ROBO1: variants seen among roughly 807,000 people sequenced by gnomAD.
ROBO1 encodes roundabout guidance receptor 1.
A neutral mutation model predicts 195.9 loss-of-function variants in ROBO1; 149 were observed. That is an observed-to-expected ratio of 0.76 (90% confidence interval 0.67 to 0.87). The LOEUF is 0.87. ROBO1 is among the 40% of genes least tolerant of loss of function. ROBO1 has a pLI of 0.00. For missense variants in ROBO1, 1,933 were observed against 2,068.3 expected, an observed-to-expected ratio of 0.93 and a Z score of 1.27; for synonymous variants, 816 against 733.2, an observed-to-expected ratio of 1.11 and a Z score of -1.82.
chr3:79,122,958 G>T (rs2080147964), intron 3 of ROBO1, among the ~76,000 whole-genome samples: 1 of 151,944 alleles, frequency 6.6e-6, no homozygotes, highest in South Asian at 2.1e-4. Context: ...AACATCTGAT[G>T]TATAAAATCT....
intron 4 of ROBO1, among the ~76,000 whole-genome samples, chr3:78,916,668 T>C (rs904747457): frequency 2.0e-5 from 3 of 152,160 alleles, no homozygotes; most frequent in African/African-American, 7.2e-5. Flanking sequence ...CTGGAAGCTT[T>C]CTGCAAAATT....
chr3:79,589,982 T>G, intron 1 of ROBO1, 21 bp from the exon 2 acceptor site: 1 of 1,092,706 alleles, frequency 9.2e-7, no homozygotes, highest in Non-Finnish European at 1.4e-6. Flanking sequence ...TAAAAAAATA[T>G]TATTTTGTAA....
intron 2 of ROBO1, among the ~76,000 whole-genome samples, chr3:79,180,282 T>C (rs2081318903): frequency 6.6e-6 from 1 of 152,246 alleles, no homozygotes; most frequent in Non-Finnish European, 1.5e-5. Context: ...AAAATTAATT[T>C]ATATTTCCTG....
At chr3:78,792,679 A>G (rs1196467570) in intron 4 of ROBO1, among the ~76,000 whole-genome samples, 1 of 152,244 alleles carries the variant, frequency 6.6e-6, no homozygotes, top group African/African-American at 2.4e-5. Context: ...ATCAATTAAA[A>G]CAAATTTAAA....
At chr3:79,169,191 C>T (rs1576764925) in intron 2 of ROBO1, among the ~76,000 whole-genome samples, 1 of 152,072 alleles carries the variant, frequency 6.6e-6, no homozygotes, top group Non-Finnish European at 1.5e-5. Context: ...TATTAGTGCA[C>T]ATTTGGATTC....
At chr3:79,354,340 A>T (rs1381704200) in intron 2 of ROBO1, among the ~76,000 whole-genome samples, 1 of 152,196 alleles carries the variant, frequency 6.6e-6, no homozygotes, top group Non-Finnish European at 1.5e-5. Context: ...TTTCATCAGA[A>T]TGCCTTTGCT....
At chr3:78,952,389 T>C (rs563159820) in intron 3 of ROBO1, among the ~76,000 whole-genome samples, 1 of 150,434 alleles carries the variant, frequency 6.6e-6, no homozygotes, top group Non-Finnish European at 1.5e-5. Flanking sequence ...TATATATTTA[T>C]ATATAGGTTC....
chr3:79,489,109 C>CATATAT (rs140391978), intron 2 of ROBO1, among the ~76,000 whole-genome samples: 5 of 148,076 alleles, frequency 3.4e-5, no homozygotes, highest in African/African-American at 1.2e-4. Context: ...TATATAAGTA[C>CATATAT]ATATATATAT....
intron 2 of ROBO1, among the ~76,000 whole-genome samples, chr3:79,563,104 A>C (rs1409404206): frequency 6.6e-6 from 1 of 152,090 alleles, no homozygotes; most frequent in Non-Finnish European, 1.5e-5. Flanking sequence ...TAAAGTGTCA[A>C]AGCATAATCA....
At chr3:78,907,865 T>A (rs1392121498) in intron 4 of ROBO1, among the ~76,000 whole-genome samples, 1 of 151,860 alleles carries the variant, frequency 6.6e-6, no homozygotes, top group Non-Finnish European at 1.5e-5. Context: ...AATCTTAATA[T>A]GAAGAAAAAT....
intron 3 of ROBO1, among the ~76,000 whole-genome samples, chr3:78,952,293 T>A (rs890909221): frequency 1.3e-5 from 2 of 150,806 alleles, no homozygotes; most frequent in African/African-American, 4.8e-5. Flanking sequence ...ACACCATAAA[T>A]ATTAATAGAC....
At chr3:78,810,072 G>A (rs2084687043) in intron 4 of ROBO1, among the ~76,000 whole-genome samples, 1 of 152,088 alleles carries the variant, frequency 6.6e-6, no homozygotes, top group Admixed American at 6.6e-5. Flanking sequence ...AGGTTGGAGT[G>A]AGATGCAAGA....
Position 79,460,302 on chromosome 3 carries a change from G to A in ROBO1, c.88+129522C>T, listed in dbSNP as rs189882784. ...ACACTGATTGTAAATATCCAAATGT[G>A]TTTTAAATTTACCATGTAACATGTG... is the stretch of plus-strand genomic sequence containing the variant. On this transcript the variant is annotated intron_variant, in intron 2 of 30. Transcript: ENST00000464233. 4.6e-3 allele frequency among the ~76,000 whole-genome samples: 700 copies of A among 152,226 alleles called. 13 individuals are homozygous for A. Among genetic ancestry groups the A allele is most frequent in the Non-Finnish European group, 3.7e-3 (252 of 68,002 alleles).
At chr3:78,722,409 CATAAT>C (rs1427754438) in intron 5 of ROBO1, among the ~76,000 whole-genome samples, 4 of 152,064 alleles carry the variant, frequency 2.6e-5, no homozygotes, top group African/African-American at 9.7e-5. Flanking sequence ...TCATTAGTAA[CATAAT>C]ATGACTAAAA....
chr3:78,727,617 T>G (rs1465689655), intron 5 of ROBO1, among the ~76,000 whole-genome samples: 1 of 152,190 alleles, frequency 6.6e-6, no homozygotes, highest in Non-Finnish European at 1.5e-5. Context: ...AGAGCGAGAC[T>G]CCGTCTCAGA....
intron 2 of ROBO1, among the ~76,000 whole-genome samples, chr3:79,498,820 C>T (rs934107493): frequency 6.6e-6 from 1 of 151,048 alleles, no homozygotes; most frequent in African/African-American, 2.4e-5. Flanking sequence ...GTGCTCCAGC[C>T]TGGGCAACAA....
chr3:79,202,475 A>G (rs967152331), intron 2 of ROBO1, among the ~76,000 whole-genome samples: 8 of 152,042 alleles, frequency 5.3e-5, no homozygotes, highest in African/African-American at 1.9e-4. Context: ...CACTTCCACA[A>G]TTCATCAGCG....
chr3:79,341,999 A>C (rs1207717217), intron 2 of ROBO1, among the ~76,000 whole-genome samples: 1 of 152,148 alleles, frequency 6.6e-6, no homozygotes, highest in Non-Finnish European at 1.5e-5. Flanking sequence ...ATGTTGAGGG[A>C]AAATGAAAGA....
intron 4 of ROBO1, among the ~76,000 whole-genome samples, chr3:78,857,002 A>G (rs930583942): frequency 6.6e-6 from 1 of 152,104 alleles, no homozygotes; most frequent in African/African-American, 2.4e-5. Flanking sequence ...CATTAACTAA[A>G]GGCTAATTTT....
Sources: allele counts gnomAD v4.1 joint callset (sites outside exome capture counted in the v4.1 genomes callset), GRCh38; gene constraint gnomAD v4.1.1; transcripts MANE v1.5; gene names NCBI Gene and HGNC (gene_info 2026-07-23, HGNC 2026-07-21).